Variants in FRMD5 observed in about 807,000 individuals in gnomAD.
FRMD5 encodes the protein FERM domain-containing protein 5.
FRMD5 carries 20 observed loss-of-function variants against 69.0 expected under a neutral mutation model. That is an observed-to-expected ratio of 0.29 (90% CI 0.20 to 0.42). The LOEUF (loss-of-function observed/expected upper bound fraction) is 0.42, where lower values mean the gene tolerates loss of function less well. Ranked by LOEUF, FRMD5 falls within the 10% of genes least tolerant of loss-of-function variation. The probability of loss-of-function intolerance (pLI) is 1.00; values close to 1 mark genes in which losing one functional copy is unlikely to be tolerated. For missense variants in FRMD5, 595 were observed against 708.6 expected (o/e 0.84, Z 1.82); for synonymous variants, 271 against 260.1 (o/e 1.04, Z -0.40).
intron 8 of FRMD5, among the ~76,000 whole-genome samples, chr15:43,890,966 G>A (rs2088779828): frequency 6.6e-6 from 1 of 152,138 alleles, no homozygotes; most frequent in South Asian, 2.1e-4. Flanking sequence ...TGACTAGGAA[G>A]CAACTGTACT....
chr15:44,074,543 G>A (rs532518404), intron 1 of FRMD5, among the ~76,000 whole-genome samples: 6 of 150,184 alleles, frequency 4.0e-5, no homozygotes, highest in Non-Finnish European at 7.4e-5. Flanking sequence ...TTGCTCTGTC[G>A]CCCAGGCTGG....
At chr15:44,088,176 C>T (rs1336805218) in intron 1 of FRMD5, among the ~76,000 whole-genome samples, 1 of 152,084 alleles carries the variant, frequency 6.6e-6, no homozygotes, top group Non-Finnish European at 1.5e-5. Context: ...CAATCCCACT[C>T]ATTTAACATA....
At chr15:44,163,958 C>T (rs1003114766) in intron 1 of FRMD5, among the ~76,000 whole-genome samples, 1 of 152,216 alleles carries the variant, frequency 6.6e-6, no homozygotes, top group African/African-American at 2.4e-5. Flanking sequence ...CATCTTTTAA[C>T]TTTACATTCT....
chr15:44,041,750 G>A (rs780921344), intron 1 of FRMD5, among the ~76,000 whole-genome samples: 18 of 152,172 alleles, frequency 1.2e-4, no homozygotes, highest in South Asian at 2.1e-4. Flanking sequence ...AAGACACAAC[G>A]TACCAGAATC....
intron 1 of FRMD5, among the ~76,000 whole-genome samples, chr15:44,148,570 C>G (rs2077394633): frequency 6.6e-6 from 1 of 152,074 alleles, no homozygotes; most frequent in African/African-American, 2.4e-5. Flanking sequence ...CGTGCCCAAC[C>G]TACATTTTTT....
chr15:44,139,330 CTTT>C (rs2077232932), intron 1 of FRMD5, among the ~76,000 whole-genome samples: 1 of 150,732 alleles, frequency 6.6e-6, no homozygotes, highest in African/African-American at 2.4e-5. Context: ...CACACACACA[CTTT>C]CTTTCATCTA....
chr15:44,083,717 A>G (rs1464758881), intron 1 of FRMD5, among the ~76,000 whole-genome samples: 8 of 152,100 alleles, frequency 5.3e-5, no homozygotes, highest in Non-Finnish European at 1.2e-4. Context: ...GACACATGGG[A>G]TCAAACTATG....
At chr15:44,129,569 T>G (rs1197910444) in intron 1 of FRMD5, among the ~76,000 whole-genome samples, 1 of 152,010 alleles carries the variant, frequency 6.6e-6, no homozygotes, top group East Asian at 1.9e-4. Flanking sequence ...TCCTTAGAGG[T>G]TCTCTGCAGT....
intron 7 of FRMD5, among the ~76,000 whole-genome samples, chr15:43,897,971 T>C (rs866287700): frequency 1.3e-5 from 2 of 152,216 alleles, no homozygotes; most frequent in Non-Finnish European, 2.9e-5. Flanking sequence ...CCTTCCGCTA[T>C]GATTGTAAGT....
At chr15:44,058,208 T>C (rs1892947773) in intron 1 of FRMD5, among the ~76,000 whole-genome samples, 1 of 152,086 alleles carries the variant, frequency 6.6e-6, no homozygotes, top group Admixed American at 6.6e-5. Flanking sequence ...AAAAAACAAA[T>C]ATCAAGCAGT....
At chr15:44,013,269 C>T (rs958940512) in intron 1 of FRMD5, among the ~76,000 whole-genome samples, 6 of 152,094 alleles carry the variant, frequency 3.9e-5, no homozygotes, top group African/African-American at 9.7e-5. Context: ...GGCATGCCCC[C>T]GTCATCTCAG....
chr15:43,886,453 C>T (rs564330041), intron 10 of FRMD5, among the ~76,000 whole-genome samples: 5 of 152,272 alleles, frequency 3.3e-5, no homozygotes, highest in South Asian at 2.1e-4. Flanking sequence ...TGCAGACAGC[C>T]GATGTGGAGC....
At chr15:44,128,425 C>T (rs907682071) in intron 1 of FRMD5, among the ~76,000 whole-genome samples, 2 of 151,894 alleles carry the variant, frequency 1.3e-5, no homozygotes, top group Non-Finnish European at 2.9e-5. Flanking sequence ...TGCAGTGAGT[C>T]GAGATCATGC....
At chr15:43,926,651 G>GAATA (rs1477081450) in intron 1 of FRMD5, among the ~76,000 whole-genome samples, 1 of 152,038 alleles carries the variant, frequency 6.6e-6, no homozygotes, top group Non-Finnish European at 1.5e-5. Flanking sequence ...GGAGCTGGAA[G>GAATA]AATAGGTGAG....
rs187806809 is a variant in FRMD5 at position 44,155,212 on chromosome 15, T to C, written c.102+39741A>G. Among the ~76,000 whole-genome samples the C allele has an allele frequency of 7.3e-3, 1,118 of 152,138 alleles. 15 individuals carry two copies. Among genetic ancestry groups the C allele is most frequent in the African/African-American group, 0.026 (1,072 of 41,502 alleles). ...ACTTTGGGAGGCCAAGGCAGGCAGA[T>C]CCCAAGGTCGGGAGATCAAGACCAT... On this transcript the variant is annotated intron_variant, in intron 1 of 13. Transcript: ENST00000417257.
intron 1 of FRMD5, among the ~76,000 whole-genome samples, chr15:43,965,756 C>T (rs2957582): frequency 0.44 from 66,168 of 151,370 alleles, 18,918 homozygotes; most frequent in African/African-American, 0.82. Flanking sequence ...TAATTTTGTA[C>T]TTTTAGTAGA....
chr15:44,005,395 C>T (rs1266600128), intron 1 of FRMD5, among the ~76,000 whole-genome samples: 5 of 148,764 alleles, frequency 3.4e-5, no homozygotes, highest in Admixed American at 6.8e-5. Flanking sequence ...CACTTGAACC[C>T]GGTAGGTGGA....
At chr15:44,166,621 T>C (rs560630509) in intron 1 of FRMD5, among the ~76,000 whole-genome samples, 16 of 151,570 alleles carry the variant, frequency 1.1e-4, no homozygotes, top group Non-Finnish European at 1.9e-4. Flanking sequence ...CCATCTCTAC[T>C]AAAAATACAA....
At chr15:44,051,870 T>C (rs1484442745) in intron 1 of FRMD5, among the ~76,000 whole-genome samples, 1 of 152,210 alleles carries the variant, frequency 6.6e-6, no homozygotes, top group Non-Finnish European at 1.5e-5. Context: ...AGTGCCATTT[T>C]TATCACATCA....
Sources: allele counts gnomAD v4.1 joint callset (sites outside exome capture counted in the v4.1 genomes callset), GRCh38; gene constraint gnomAD v4.1.1; transcripts MANE v1.5; gene names NCBI Gene and HGNC (gene_info 2026-07-23, HGNC 2026-07-21).